The following BTBD16 variants were observed in gnomAD, a reference collection of about 807,000 sequenced individuals.
BTBD16 encodes the protein BTB domain containing 16.
Under a neutral mutation model 67.4 loss-of-function variants are expected in BTBD16, and 66 were observed. The ratio of observed to expected loss-of-function variants is 0.98; its 90% CI spans 0.80 to 1.20. The LOEUF is 1.20. BTBD16 is among the 50% of genes most tolerant of loss of function. The probability of loss-of-function intolerance (pLI) is 0.00; values close to 1 mark genes in which losing one functional copy is unlikely to be tolerated. For missense variants in BTBD16, 634 were observed against 616.0 expected (o/e 1.03, Z -0.31); for synonymous variants, 242 against 236.4 (o/e 1.02, Z -0.22).
chr10:122,285,760 A>G (rs1317277654), intron 4 of BTBD16, among the ~76,000 whole-genome samples: 2 of 152,122 alleles, frequency 1.3e-5, no homozygotes, highest in South Asian at 4.1e-4. Context: ...GCCCCCCAAG[A>G]GTGCCCCAGA....
chr10:122,309,855 T>G (rs1383842827), intron 10 of BTBD16, among the ~76,000 whole-genome samples: 1 of 148,818 alleles, frequency 6.7e-6, no homozygotes, highest in Non-Finnish European at 1.5e-5. Flanking sequence ...TGCTGCAACC[T>G]CTGCCTCCTG....
intron 4 of BTBD16, 100 bp from the exon 5 acceptor site, chr10:122,286,005 A>C: frequency 8.4e-7 from 1 of 1,194,184 alleles, no homozygotes; most frequent in South Asian, 1.5e-5. Context: ...TCATGTGCTT[A>C]ATGATCCACC....
intron 10 of BTBD16, among the ~76,000 whole-genome samples, chr10:122,314,434 G>A (rs145226503): frequency 1.2e-4 from 18 of 152,228 alleles, no homozygotes; most frequent in Middle Eastern, 3.4e-3. Flanking sequence ...AGCCTGGGAG[G>A]TTGAGGCTGC....
At chr10:122,296,620 A>G (rs2096383732) in intron 7 of BTBD16, among the ~76,000 whole-genome samples, 1 of 152,240 alleles carries the variant, frequency 6.6e-6, no homozygotes, top group Non-Finnish European at 1.5e-5. Context: ...GTGAAAGTTC[A>G]GTCACTGAAA....
At chr10:122,282,396 C>T (rs1028435752) in intron 3 of BTBD16, among the ~76,000 whole-genome samples, 4 of 152,200 alleles carry the variant, frequency 2.6e-5, no homozygotes, top group Non-Finnish European at 4.4e-5. Flanking sequence ...CAGCCATCCT[C>T]CCCCCTTGGA....
At chr10:122,320,487 C>T (rs894528774) in intron 10 of BTBD16, among the ~76,000 whole-genome samples, 1 of 151,772 alleles carries the variant, frequency 6.6e-6, no homozygotes, top group Non-Finnish European at 1.5e-5. Flanking sequence ...TGGTTTAAGA[C>T]TTTTTTTTCT....
intron 8 of BTBD16, among the ~76,000 whole-genome samples, chr10:122,298,207 T>A (rs1332863258): frequency 6.6e-6 from 1 of 152,030 alleles, no homozygotes; most frequent in Admixed American, 6.6e-5. Context: ...GAATCCAACC[T>A]CATTCTCAGA....
intron 7 of BTBD16, among the ~76,000 whole-genome samples, chr10:122,295,754 G>T (rs2096382005): frequency 6.6e-6 from 1 of 152,282 alleles, no homozygotes; most frequent in Admixed American, 6.5e-5. Context: ...TGTTTACTCA[G>T]TACAGGTTTC....
At position 122,326,135 on chromosome 10, in the gene BTBD16, A is replaced by T. The variant is rs556492461; in HGVS notation, c.912-3345A>T. On this transcript the variant is annotated intron_variant, in intron 10 of 15. Coordinates refer to ENST00000260723, the MANE Select transcript of BTBD16 (RefSeq NM_144587.5). ...GTCTTAAAATTTAATATGTTAGTTC[A>T]GGTGTTTCTCAAATAAGCAAAGTCA... 2.6e-5 allele frequency among the ~76,000 whole-genome samples: 4 copies of T among 152,168 alleles called. No individual in the cohort carries two copies. The South Asian group carries it at 8.3e-4, about 32-fold the overall frequency.
chr10:122,294,250 A>T (rs139740188), intron 7 of BTBD16: 13,734 of 978,972 alleles, frequency 0.014, 111 homozygotes, highest in Admixed American at 0.021. Context: ...GTGTCTGTGT[A>T]ACGGAAGTGC....
rs369847877 is a variant in BTBD16 at position 122,283,824 on chromosome 10, G to T, written c.168-27G>T. 2.1e-4 allele frequency: 331 copies of T among 1,596,372 alleles called. 1 individual carries two copies. Among genetic ancestry groups the T allele is most frequent in the Non-Finnish European group, 2.7e-4 (317 of 1,164,444 alleles). On this transcript the variant is annotated intron_variant, in intron 3 of 15. Transcript: ENST00000260723. ...AGAAAAATGTCAGTATTAACTCCTG[G>T]ATTTTATATTTGCATTTTCCCTTGA...
At chr10:122,317,211 A>G (rs2096426812) in intron 10 of BTBD16, among the ~76,000 whole-genome samples, 1 of 152,248 alleles carries the variant, frequency 6.6e-6, no homozygotes. Context: ...TTAAAACTTG[A>G]CTTTTTCATA....
chr10:122,290,446 T>C (rs1255465296), intron 6 of BTBD16, among the ~76,000 whole-genome samples: 1 of 152,118 alleles, frequency 6.6e-6, no homozygotes, highest in East Asian at 1.9e-4. Flanking sequence ...TCACAGCCAC[T>C]CATGGGCAGA....
Position 122,276,790 on chromosome 10 carries a change from G to T in BTBD16, c.19-1G>T, listed in dbSNP as rs1182124132. On this transcript the variant is annotated splice_acceptor_variant, in intron 2 of 15. Coordinates refer to ENST00000260723, the MANE Select transcript of BTBD16 (RefSeq NM_144587.5). LOFTEE classifies it high-confidence loss of function. Reference sequence around the variant, plus strand: ...CTTCTCTTTCTTTGATTACCAAGCAGCACAAAGCTCGGCTGGAACGCCGGG... The same window carrying T: ...CTTCTCTTTCTTTGATTACCAAGCATCACAAAGCTCGGCTGGAACGCCGGG... 6.8e-6 allele frequency: 11 copies of T among 1,613,580 alleles called. No individual in the cohort carries two copies. Among genetic ancestry groups the T allele is most frequent in the Non-Finnish European group, 8.5e-6 (10 of 1,179,706 alleles).
At chr10:122,313,246 T>C (rs1402717142) in intron 10 of BTBD16, among the ~76,000 whole-genome samples, 1 of 146,736 alleles carries the variant, frequency 6.8e-6, no homozygotes, top group Non-Finnish European at 1.5e-5. Context: ...CTTTCTTTTA[T>C]AGTTAGTGCT....
At chr10:122,309,273 C>G (rs2096409154) in intron 10 of BTBD16, among the ~76,000 whole-genome samples, 1 of 151,910 alleles carries the variant, frequency 6.6e-6, no homozygotes, top group Non-Finnish European at 1.5e-5. Context: ...ACTACAAGAG[C>G]ATGTAGCCAC....
intron 10 of BTBD16, among the ~76,000 whole-genome samples, chr10:122,313,424 C>G (rs545697728): frequency 1.2e-3 from 177 of 151,516 alleles, no homozygotes; most frequent in African/African-American, 4.1e-3. Flanking sequence ...GCCACCACAC[C>G]TCGCTACTTT....
At chr10:122,304,924 T>C (rs968292452) in intron 9 of BTBD16, among the ~76,000 whole-genome samples, 5 of 152,158 alleles carry the variant, frequency 3.3e-5, no homozygotes, top group African/African-American at 7.2e-5. Context: ...GCACAGGCTC[T>C]GGAGCTAGGA....
rs544721253 is a variant in BTBD16 at position 122,324,847 on chromosome 10, A to G, written c.912-4633A>G. On this transcript the variant is annotated intron_variant, in intron 10 of 15. Transcript: ENST00000260723. ...CATGTTGCTTCTTGGCTTCCCAGGC[A>G]TATTGAGAAGCACCAAAACATACCT... Among the ~76,000 whole-genome samples, 6 of 152,340 alleles carry G rather than the reference A, an allele frequency of 3.9e-5. No individual in the cohort carries two copies. The South Asian group carries it at 6.2e-4, about 16-fold the overall frequency.
Sources: gnomAD v4.1 joint callset for allele counts (sites outside exome capture counted in the v4.1 genomes callset) on GRCh38, gnomAD v4.1.1 for gene constraint, MANE v1.5 for transcripts, NCBI Gene and HGNC (gene_info 2026-07-23, HGNC 2026-07-21) for gene names.